FBLN1: variants seen among roughly 807,000 people sequenced by gnomAD.
FBLN1 encodes fibulin-1.
FBLN1 carries 34 observed loss-of-function variants against 89.7 expected under a neutral mutation model. The ratio of observed to expected loss-of-function variants is 0.38; its 90% CI spans 0.29 to 0.50. The LOEUF is 0.50. FBLN1 is among the 20% of genes least tolerant of loss of function. FBLN1 has a pLI of 0.92. For synonymous variants in FBLN1, 393 were observed against 391.3 expected, an observed-to-expected ratio of 1.00 and a Z score of -0.05; for missense variants, 777 against 988.1, an observed-to-expected ratio of 0.79 and a Z score of 2.86.
chr22:45,558,684 T>A (rs1197066902), intron 14 of FBLN1: 1 of 152,410 alleles, frequency 6.6e-6, no homozygotes, highest in Non-Finnish European at 1.5e-5. Context: ...AAACGAGGAA[T>A]GTGTTGCCTC....
chr22:45,591,772 CGGGAAGTGTCCTGCGCGCCATT>C (rs2089138488), intron 16 of FBLN1, among the ~76,000 whole-genome samples: 1 of 151,364 alleles, frequency 6.6e-6, no homozygotes, highest in African/African-American at 2.4e-5. Flanking sequence ...GCAGTACAGT[CGGGAAGTGTCCTGCGCGCCATT>C]TTGCAGACAG....
rs374988387 is a variant in FBLN1, at chr22:45,600,255, A to C, written c.1973-52A>C. ...AAGGGAAACCATTTCCCAGATCTCT[A>C]CGTTGCTGCAGTCCCTTCTAACTTC... On this transcript the variant is annotated intron_variant, in intron 16 of 16. Transcript: ENST00000327858. 1.6e-5 allele frequency: 25 copies of C among 1,612,010 alleles called. No homozygotes were observed. In the African/African-American group the frequency reaches 2.5e-4, roughly 16 times the overall value.
chr22:45,535,487 G>A, intron 8 of FBLN1, 150 bp downstream of exon 8: 2 of 858,328 alleles, frequency 2.3e-6, no homozygotes, highest in Admixed American at 2.1e-5. Context: ...AGCAAATAGA[G>A]CAAATACTTT....
intron 12 of FBLN1, among the ~76,000 whole-genome samples, chr22:45,548,381 A>C (rs1316391794): frequency 6.6e-6 from 1 of 152,198 alleles, no homozygotes; most frequent in Non-Finnish European, 1.5e-5. Flanking sequence ...ACTGTGGTCC[A>C]TATTTCCCCC....
chr22:45,554,892 AGATAATACC>A (rs2088758996), intron 14 of FBLN1, among the ~76,000 whole-genome samples: 1 of 152,256 alleles, frequency 6.6e-6, no homozygotes, highest in African/African-American at 2.4e-5. Context: ...CTGTAGCGGA[AGATAATACC>A]GATCTCCATC....
intron 1 of FBLN1, among the ~76,000 whole-genome samples, chr22:45,507,380 A>G (rs1475761938): frequency 6.6e-6 from 1 of 151,740 alleles, no homozygotes; most frequent in Non-Finnish European, 1.5e-5. Flanking sequence ...ACACCCACAA[A>G]CTCTCTGCCT....
Position 45,533,893 on chromosome 22 carries a change from G to A in FBLN1, c.779G>A (p.Cys260Tyr), listed in dbSNP as rs746761923. ...TATGAGCTCACAGAGGACAATAGCT[G>A]CAAAGGTACAGCATGCGCTCCGAGT... ...TGYELTEDNS[C>Y]KDIDECESGI... Residue 260 changes from cysteine (C) to tyrosine (Y), a missense_variant, in exon 7 of 17, where the codon TGC becomes TAC. Transcript: ENST00000327858. The A allele has an allele frequency of 6.2e-7, 1 of 1,614,024 alleles. No individual in the cohort carries two copies. Among genetic ancestry groups the A allele is most frequent in the South Asian group, 1.1e-5 (1 of 91,084 alleles).
At chr22:45,526,393 C>T (rs561743047) in intron 3 of FBLN1, among the ~76,000 whole-genome samples, 1 of 152,296 alleles carries the variant, frequency 6.6e-6, no homozygotes, top group African/African-American at 2.4e-5. Flanking sequence ...AGGCAGTAAA[C>T]CCAAGGTGTC....
rs1253087188 is a variant in FBLN1, at chr22:45,578,884, G to A, written c.1972+1776G>A. The stretch of plus-strand genomic sequence containing the variant: ...TGTGCCTGACCCTGGGCTAAGCCTT[G>A]CAGATACAGAGATGGATAAATGCCA... On this transcript the variant is annotated intron_variant, in intron 16 of 16. Coordinates refer to ENST00000327858, the MANE Select transcript of FBLN1 (RefSeq NM_006486.3). The surrounding 1 kb of genome is among the most constrained non-coding windows in gnomAD (Gnocchi z 4.6). Among the ~76,000 whole-genome samples, 1 of 152,230 alleles carries A rather than the reference G, an allele frequency of 6.6e-6. No individual in the cohort carries two copies. The highest frequency in any genetic ancestry group is 1.5e-5 in the Non-Finnish European group (1 of 68,040).
intron 8 of FBLN1, 89 bp downstream of exon 8, chr22:45,535,426 G>C: frequency 6.6e-7 from 1 of 1,514,322 alleles, no homozygotes; most frequent in Non-Finnish European, 9.1e-7. Context: ...CTGCGGGGCC[G>C]CATGGTATAC....
chr22:45,562,313 A>T lies in FBLN1; in HGVS notation c.1697+11698A>T, dbSNP rs1248625390. Among the ~76,000 whole-genome samples, 1 of 152,186 alleles carries T rather than the reference A, an allele frequency of 6.6e-6. No individual in the cohort carries two copies. The highest frequency in any genetic ancestry group is 1.5e-5 in the Non-Finnish European group (1 of 68,032). Reference sequence around the variant, plus strand: ...CTGACCTCAATGGCTGAGTAGCGATATGGCTCCCTCACTCACTCTGTGACC... The same window carrying T: ...CTGACCTCAATGGCTGAGTAGCGATTTGGCTCCCTCACTCACTCTGTGACC... On this transcript the variant is annotated intron_variant, in intron 14 of 16. Coordinates refer to ENST00000327858, the MANE Select transcript of FBLN1 (RefSeq NM_006486.3). This position sits in a 1 kb window ranked among gnomAD's most constrained non-coding sequence, Gnocchi z 7.8.
At position 45,600,618 on chromosome 22, in the gene FBLN1, C is replaced by T. The variant is rs1920925611; in HGVS notation, c.*172C>T. 7 of 789,944 alleles carry T rather than the reference C, an allele frequency of 8.9e-6. No homozygotes were observed. Among genetic ancestry groups the T allele is most frequent in the Admixed American group, 6.2e-5 (3 of 48,296 alleles). 48.9% of individuals were successfully genotyped at this position (789,944 alleles called of 1,614,324 possible). On this transcript the variant is annotated 3_prime_UTR_variant, in exon 17 of 17. Transcript: ENST00000327858. Reference sequence around the variant, plus strand: ...TGAATAAGTCCATCTGATGTATTTTCGGTGTTTAAAAAATGAGCCCAGTTG... The same window carrying T: ...TGAATAAGTCCATCTGATGTATTTTTGGTGTTTAAAAAATGAGCCCAGTTG...
chr22:45,509,559 C>A (rs1449906127), intron 1 of FBLN1, among the ~76,000 whole-genome samples: 1 of 152,184 alleles, frequency 6.6e-6, no homozygotes, highest in African/African-American at 2.4e-5. Flanking sequence ...CTGTCCTCAT[C>A]CTGGAACTGT....
At chr22:45,525,105 A>G (rs1301180087) in intron 2 of FBLN1, among the ~76,000 whole-genome samples, 2 of 142,202 alleles carry the variant, frequency 1.4e-5, no homozygotes, top group East Asian at 2.2e-4. Flanking sequence ...GAGAAAGGGA[A>G]AGAGAGAGAG....
At chr22:45,565,158 A>T in intron 14 of FBLN1, 2 of 1,569,540 alleles carry the variant, frequency 1.3e-6, no homozygotes, top group Non-Finnish European at 1.7e-6. Context: ...CCCATGTTGT[A>T]GTACATTCTC....
chr22:45,546,302 C>G (rs1451876949), intron 11 of FBLN1, among the ~76,000 whole-genome samples: 6 of 152,192 alleles, frequency 3.9e-5, no homozygotes, highest in African/African-American at 1.4e-4. Flanking sequence ...ACTGCAACCT[C>G]TGCCTCCTTG....
At chr22:45,508,443 A>G (rs2088054069) in intron 1 of FBLN1, among the ~76,000 whole-genome samples, 1 of 151,964 alleles carries the variant, frequency 6.6e-6, no homozygotes, top group Non-Finnish European at 1.5e-5. Context: ...TTGTATTCTT[A>G]GTAGAGACGG....
rs1413329599 is a variant in FBLN1 at position 45,535,280 on chromosome 22, C to T, written c.865C>T (p.Arg289Ter). Residue 289 changes from arginine (R) to a stop codon, truncating the protein, a stop_gained, in exon 8 of 17, where the codon CGA (arginine) becomes TGA (stop). Transcript: ENST00000327858. LOFTEE classifies it high-confidence loss of function. Reference protein sequence around the residue: ...CQNTLGSFRCRPKLQCKSGFI... With the variant: ...CQNTLGSFRC ...GAATACTCTGGGATCCTTCCGCTGC[C>T]GACCCAAGCTACAGTGCAAGAGTGG... 1.2e-6 allele frequency: 2 copies of T among 1,614,064 alleles called. No homozygotes were observed. Among genetic ancestry groups the T allele is most frequent in the Non-Finnish European group, 1.7e-6 (2 of 1,180,044 alleles).
Position 45,549,788 on chromosome 22 carries a change from C to A in FBLN1, c.1574-704C>A, listed in dbSNP as rs2088677909. Among the ~76,000 whole-genome samples, 1 of 152,160 alleles carries A rather than the reference C, an allele frequency of 6.6e-6. No homozygotes were observed. Among genetic ancestry groups the A allele is most frequent in the South Asian group, 2.1e-4 (1 of 4,830 alleles). On this transcript the variant is annotated intron_variant, in intron 13 of 16. Coordinates refer to ENST00000327858, the MANE Select transcript of FBLN1 (RefSeq NM_006486.3). The surrounding 1 kb of genome is among the most constrained non-coding windows in gnomAD (Gnocchi z 5.7). Reference sequence around the variant, plus strand: ...TGCTCCAGAGTCTATGGGAGTTGGGCTGCTCCCCCATCTCCAGGGGCCTCT... The same window carrying A: ...TGCTCCAGAGTCTATGGGAGTTGGGATGCTCCCCCATCTCCAGGGGCCTCT...
Sources: allele counts gnomAD v4.1 joint callset (sites outside exome capture counted in the v4.1 genomes callset), GRCh38; gene constraint gnomAD v4.1.1; non-coding constraint Gnocchi (gnomAD v3.1); transcripts MANE v1.5; gene names NCBI Gene and HGNC (gene_info 2026-07-23, HGNC 2026-07-21).